GABRG3: variants seen among roughly 807,000 people sequenced by gnomAD.
GABRG3 encodes the protein gamma-aminobutyric acid receptor subunit gamma-3.
GABRG3 carries 25 observed loss-of-function variants against 48.8 expected under a neutral mutation model. That is an observed-to-expected ratio of 0.51 (90% CI 0.37 to 0.72). The LOEUF (loss-of-function observed/expected upper bound fraction) is 0.72. Ranked by LOEUF, GABRG3 falls within the 30% of genes least tolerant of loss-of-function variation. The pLI is 0.00. For missense variants in GABRG3, 394 were observed against 577.9 expected (o/e 0.68, Z 3.26); for synonymous variants, 227 against 217.6 (o/e 1.04, Z -0.38).
intron 3 of GABRG3, among the ~76,000 whole-genome samples, chr15:27,088,239 AGTGCTCGGGGC>A (rs1323834705): frequency 1.4e-5 from 1 of 70,694 alleles, no homozygotes; most frequent in African/African-American, 6.0e-5. Flanking sequence ...GCGTTCTGGG[AGTGCTCGGGGC>A]GGGCGCGGGG....
At chr15:27,070,099 G>A (rs963158672) in intron 3 of GABRG3, among the ~76,000 whole-genome samples, 2 of 152,250 alleles carry the variant, frequency 1.3e-5, no homozygotes, top group Non-Finnish European at 2.9e-5. Context: ...GCTATCCAAT[G>A]CTCCTGGAGG....
chr15:27,138,900 T>C (rs1898054679), intron 3 of GABRG3, among the ~76,000 whole-genome samples: 2 of 152,224 alleles, frequency 1.3e-5, no homozygotes, highest in South Asian at 4.1e-4. Context: ...AATGTTTTTT[T>C]CTCATTCATT....
intron 6 of GABRG3, among the ~76,000 whole-genome samples, chr15:27,513,155 A>T (rs564396662): frequency 6.6e-6 from 1 of 152,230 alleles, no homozygotes; most frequent in African/African-American, 2.4e-5. Flanking sequence ...ATCATAAAAA[A>T]TGAAAGCCAC....
At chr15:27,361,287 C>A (rs1595704141) in intron 5 of GABRG3, among the ~76,000 whole-genome samples, 1 of 152,180 alleles carries the variant, frequency 6.6e-6, no homozygotes, top group African/African-American at 2.4e-5. Context: ...CTCAAGTGAC[C>A]CACCATAACA....
chr15:27,199,071 C>G (rs1595580793), intron 3 of GABRG3, among the ~76,000 whole-genome samples: 1 of 152,136 alleles, frequency 6.6e-6, no homozygotes, highest in African/African-American at 2.4e-5. Context: ...GTGCAGCAAA[C>G]CACCATGGCA....
chr15:27,272,989 A>G (rs942223447), intron 3 of GABRG3, among the ~76,000 whole-genome samples: 1 of 152,208 alleles, frequency 6.6e-6, no homozygotes, highest in Non-Finnish European at 1.5e-5. Context: ...TGCAAAAGCA[A>G]CCATCGACTA....
intron 2 of GABRG3, among the ~76,000 whole-genome samples, chr15:26,996,397 C>T (rs972977484): frequency 2.9e-4 from 44 of 151,946 alleles, no homozygotes; most frequent in Admixed American, 1.7e-3. Flanking sequence ...TTTGAATATG[C>T]AGTCACATTG....
chr15:27,205,484 A>G (rs1218792654), intron 3 of GABRG3, among the ~76,000 whole-genome samples: 1 of 152,010 alleles, frequency 6.6e-6, no homozygotes, highest in Non-Finnish European at 1.5e-5. Context: ...TTTTTCATCT[A>G]TGTTCATCAG....
At chr15:27,349,187 CAT>C (rs968059963) in intron 5 of GABRG3, among the ~76,000 whole-genome samples, 4 of 151,676 alleles carry the variant, frequency 2.6e-5, no homozygotes, top group Non-Finnish European at 2.9e-5. Context: ...CAAATTTATA[CAT>C]ATATATATAT....
At chr15:27,378,758 G>C (rs1895676247) in intron 5 of GABRG3, among the ~76,000 whole-genome samples, 1 of 152,172 alleles carries the variant, frequency 6.6e-6, no homozygotes, top group African/African-American at 2.4e-5. Flanking sequence ...TTATGAAAGA[G>C]ATTTCATTTC....
Position 27,004,001 on chromosome 15 carries a change from C to T in GABRG3, c.203-22753C>T, listed in dbSNP as rs368900864. 1.4e-4 allele frequency among the ~76,000 whole-genome samples: 21 copies of T among 147,308 alleles called. No individual in the cohort carries two copies. The East Asian group carries it at 1.9e-3, about 13-fold the overall frequency. On this transcript the variant is annotated intron_variant, in intron 2 of 9. Coordinates refer to ENST00000615808, the MANE Select transcript of GABRG3 (RefSeq NM_033223.5). Reference sequence around the variant, plus strand: ...GGGGGCTGACCCCCCACCTCCCTCCCGGACGGGGCGGCTGTCCGGGCGGGG... The same window carrying T: ...GGGGGCTGACCCCCCACCTCCCTCCTGGACGGGGCGGCTGTCCGGGCGGGG...
rs975185487 is a variant in GABRG3 at position 27,428,523 on chromosome 15, G to A, written c.575-52127G>A. The stretch of plus-strand genomic sequence containing the variant: ...AGGAGCTAACCTCCAGTGAGACCAC[G>A]CACAATTTTCTGCCAATTTATTGAC... On this transcript the variant is annotated intron_variant, in intron 5 of 9. Transcript: ENST00000615808. 4.6e-5 allele frequency among the ~76,000 whole-genome samples: 7 copies of A among 152,324 alleles called. No homozygotes were observed. The East Asian group carries it at 7.7e-4, about 17-fold the overall frequency.
intron 6 of GABRG3, among the ~76,000 whole-genome samples, chr15:27,491,326 G>T (rs1348329924): frequency 1.3e-5 from 2 of 152,164 alleles, no homozygotes; most frequent in Non-Finnish European, 2.9e-5. Flanking sequence ...TTCATAATTA[G>T]AGAAGCCACG....
intron 3 of GABRG3, among the ~76,000 whole-genome samples, chr15:27,210,078 T>C (rs1462575224): frequency 6.6e-6 from 1 of 152,110 alleles, no homozygotes; most frequent in Non-Finnish European, 1.5e-5. Context: ...ACATATGAAT[T>C]TGGGGGGACA....
At chr15:27,200,464 G>A (rs1346747358) in intron 3 of GABRG3, among the ~76,000 whole-genome samples, 1 of 152,144 alleles carries the variant, frequency 6.6e-6, no homozygotes, top group African/African-American at 2.4e-5. Flanking sequence ...AATGCAGGCT[G>A]TTCCTTCCGT....
chr15:27,342,358 CTTG>C (rs1894211423), intron 5 of GABRG3, among the ~76,000 whole-genome samples: 1 of 152,236 alleles, frequency 6.6e-6, no homozygotes, highest in African/African-American at 2.4e-5. Context: ...GAACTCAGCT[CTTG>C]TTGTCCAAGT....
At chr15:27,464,945 TG>T (rs1022771586) in intron 5 of GABRG3, among the ~76,000 whole-genome samples, 106 of 152,344 alleles carry the variant, frequency 7.0e-4, no homozygotes, top group African/African-American at 2.4e-3. Flanking sequence ...TTTAATCTTG[TG>T]GATTATTAAA....
At chr15:27,521,611 A>G (rs935094739) in intron 7 of GABRG3, among the ~76,000 whole-genome samples, 2 of 152,112 alleles carry the variant, frequency 1.3e-5, no homozygotes, top group African/African-American at 4.8e-5. Flanking sequence ...TATAACAATG[A>G]AGACTTAAAG....
intron 5 of GABRG3, among the ~76,000 whole-genome samples, chr15:27,397,183 G>T (rs1887327009): frequency 6.6e-6 from 1 of 152,204 alleles, no homozygotes; most frequent in Non-Finnish European, 1.5e-5. Context: ...ACGCCTACAT[G>T]GAAGGGGGCG....
Sources: gnomAD v4.1 joint callset for allele counts (sites outside exome capture counted in the v4.1 genomes callset) on GRCh38, gnomAD v4.1.1 for gene constraint, MANE v1.5 for transcripts, NCBI Gene and HGNC (gene_info 2026-07-23, HGNC 2026-07-21) for gene names.